Variants in PDCD11 observed in about 807,000 individuals in gnomAD.
PDCD11 encodes protein RRP5 homolog.
A neutral mutation model predicts 198.9 loss-of-function variants in PDCD11; 97 were observed. That is an observed-to-expected ratio of 0.49 (90% CI 0.41 to 0.58). PDCD11 has a LOEUF of 0.58. Among genes scored for constraint, PDCD11 ranks in the 20% least tolerant of loss-of-function variants. The probability of loss-of-function intolerance (pLI) is 0.00; values close to 1 mark genes in which losing one functional copy is unlikely to be tolerated. For missense variants in PDCD11, 2,102 were observed against 2,312.7 expected (o/e 0.91, Z 1.87); for synonymous variants, 893 against 918.0 (o/e 0.97, Z 0.49).
chr10:103,414,004 T>C lies in PDCD11; in HGVS notation c.1224T>C (p.Pro408=). The C allele has an allele frequency of 1.2e-6, 2 of 1,613,636 alleles. No individual in the cohort carries two copies. The highest frequency in any genetic ancestry group is 1.7e-6 in the Non-Finnish European group (2 of 1,179,788). The change falls in exon 10 of 36, where the codon CCT becomes CCC. Residue 408 remains proline (P), a synonymous_variant. Transcript: ENST00000369797. ...CTGATTCTAAGAACGTCTTCAATCC[T>C]GAGGCCTTCAAGCCAGGGAACACTC... ...HLSDSKNVFN[P]EAFKPGNTHK... is the part of the protein sequence containing the mutation.
At position 103,425,268 on chromosome 10, in the gene PDCD11, T is replaced by G. The variant is rs1489605235; in HGVS notation, c.3048T>G (p.Asp1016Glu). ...AGGACTCTGAGACAGTTGATGAGGA[T>G]GAAGAAGTGGATCCAGCTCTGACTG... is the stretch of plus-strand genomic sequence containing the variant. ...TQKDSETVDE[D>E]EEVDPALTVG... is the part of the protein sequence containing the mutation. Residue 1016 changes from aspartate (D) to glutamate (E), a missense_variant, in exon 20 of 36, where the codon GAT (aspartate) becomes GAG (glutamate). Physicochemically the swap from Asp to Glu is conservative, Grantham distance 45 (BLOSUM62 2). Transcript: ENST00000369797. The G allele has an allele frequency of 6.2e-7, 1 of 1,614,056 alleles. No individual in the cohort carries two copies.
rs964087668 is a variant in PDCD11, at chr10:103,421,973, CAAAAAAAAAAAA to C, written c.2497+414_2497+425del. On this transcript the variant is annotated intron_variant, in intron 17 of 35. Transcript: ENST00000369797. The stretch of plus-strand genomic sequence containing the variant: ...TGGGTGACAGAGTGAGACTCCGTCT[CAAAAAAAAAAAA>C]AAAAAAAGAAAAAAAAAATTGGGTT... Among the ~76,000 whole-genome samples, 111 of 26,186 alleles carry C rather than the reference CAAAAAAAAAAAA, an allele frequency of 4.2e-3. 2 individuals carry two copies. Among genetic ancestry groups the C allele is most frequent in the African/African-American group, 0.013 (95 of 7,504 alleles). 17.2% of individuals were successfully genotyped at this position (26,186 alleles called of 152,430 possible).
intron 21 of PDCD11, among the ~76,000 whole-genome samples, chr10:103,429,968 G>A (rs1243466628): frequency 1.3e-5 from 2 of 152,056 alleles, no homozygotes; most frequent in Admixed American, 1.3e-4. Flanking sequence ...TGCAGCATGT[G>A]TCAGAATGTC....
At chr10:103,437,690 G>C (rs764305302) in intron 25 of PDCD11, among the ~76,000 whole-genome samples, 1 of 151,990 alleles carries the variant, frequency 6.6e-6, no homozygotes, top group African/African-American at 2.4e-5. Context: ...GGGTTTCACC[G>C]TGTTAGCCAG....
chr10:103,444,735 C>T, intron 35 of PDCD11, 53 bp downstream of exon 35: 1 of 1,524,158 alleles, frequency 6.6e-7, no homozygotes, highest in Non-Finnish European at 9.1e-7. Flanking sequence ...GCGTGGTAGG[C>T]ACTGGTCCCA....
Position 103,434,800 on chromosome 10 carries a change from C to T in PDCD11, c.3670C>T (p.Pro1224Ser). 1 of 1,605,958 alleles carries T rather than the reference C, an allele frequency of 6.2e-7. No individual in the cohort carries two copies. Among genetic ancestry groups the T allele is most frequent in the Non-Finnish European group, 8.5e-7 (1 of 1,176,478 alleles). The change falls in exon 25 of 36, where the codon CCT becomes TCT. Residue 1224 changes from proline to serine, a missense_variant and splice_region_variant. By Grantham distance (74) the Pro-to-Ser change is moderately conservative. Transcript: ENST00000369797. ...AATCAGGTTGGTTCTTCCACCAGGT[C>T]CTCACAAGCTTGAGGAAGGGGAAGT... ...KTLLCLSLTGPHKLEEGEVAM... is the reference protein window; with the variant it reads ...KTLLCLSLTGSHKLEEGEVAM...
intron 33 of PDCD11, among the ~76,000 whole-genome samples, chr10:103,443,559 C>T (rs1016305145): frequency 1.3e-5 from 2 of 152,174 alleles, no homozygotes; most frequent in Non-Finnish European, 2.9e-5. Context: ...GGGCAGTGGA[C>T]CCCTGGTGTG....
chr10:103,429,103 G>A (rs1355375788), intron 21 of PDCD11, among the ~76,000 whole-genome samples: 2 of 152,164 alleles, frequency 1.3e-5, no homozygotes, highest in African/African-American at 4.8e-5. Flanking sequence ...CATTTCGTAT[G>A]GGGATCTCGT....
intron 4 of PDCD11, among the ~76,000 whole-genome samples, chr10:103,403,717 G>A (rs547404176): frequency 3.9e-5 from 6 of 152,302 alleles, no homozygotes; most frequent in African/African-American, 4.8e-5. Context: ...ACAGCATAAC[G>A]TGTAGATTGA....
chr10:103,421,310 CT>C lies in PDCD11; in HGVS notation c.2278-35del, dbSNP rs770585230. 112 of 1,516,924 alleles carry C rather than the reference CT, an allele frequency of 7.4e-5. 1 individual carries two copies. Among genetic ancestry groups the C allele is most frequent in the Admixed American group, 6.6e-4 (35 of 52,658 alleles). The allele number at this position is 1,516,924 out of a possible 1,614,324, so 94.0% of individuals were successfully genotyped here. A position where few individuals can be genotyped will look rare whatever the true frequency, so the allele number is the denominator to read the frequency against. On this transcript the variant is annotated intron_variant, in intron 16 of 35. Transcript: ENST00000369797. ...TCAAGTGGGTTGTCTTAATGAAGAC[CT>C]TTCCTCTTCTCATCTCCTGCCTGTT...
At position 103,440,440 on chromosome 10, in the gene PDCD11, G is replaced by A. The variant is rs2032332313; in HGVS notation, c.4299G>A (p.Lys1433=). ...EAEERDQKGE[K]KNQKRNEKKN... ...AGGAGAGAGACCAAAAAGGGGAAAA[G>A]AAAAATCAGAAAAGGAACGAGAAGA... The change falls in exon 29 of 36, where the codon AAG becomes AAA. Residue 1433 remains lysine, a synonymous_variant. Coordinates refer to ENST00000369797, the MANE Select transcript of PDCD11 (RefSeq NM_014976.2). 6.2e-7 allele frequency: 1 copy of A among 1,614,044 alleles called. No homozygotes were observed. The highest frequency in any genetic ancestry group is 8.5e-7 in the Non-Finnish European group (1 of 1,180,020).
intron 25 of PDCD11, among the ~76,000 whole-genome samples, chr10:103,437,112 C>G (rs1349627949): frequency 6.6e-6 from 1 of 152,206 alleles, no homozygotes; most frequent in Non-Finnish European, 1.5e-5. Context: ...CTGTATGCCT[C>G]TGTGAGACTT....
chr10:103,426,936 AAAAT>A (rs1174186363), intron 20 of PDCD11, among the ~76,000 whole-genome samples: 4 of 151,628 alleles, frequency 2.6e-5, no homozygotes, highest in African/African-American at 4.8e-5. Flanking sequence ...TACAAAAAAA[AAAAT>A]AAATAAATAA....
In PDCD11 at chr10:103,421,248, C is replaced by A. The variant is rs1382248788; in HGVS notation, c.2278-100C>A. On this transcript the variant is annotated intron_variant, in intron 16 of 35. Coordinates refer to ENST00000369797, the MANE Select transcript of PDCD11 (RefSeq NM_014976.2). ...AGGGCTTGGGGGAGCTTCCTAGGCC[C>A]CATTTCCCCCTACTCACGTACCCCT... 4.6e-6 allele frequency: 4 copies of A among 878,920 alleles called. No individual in the cohort carries two copies. In the African/African-American group the frequency reaches 6.6e-5, roughly 15 times the overall value. The allele number at this position is 878,920 out of a possible 1,614,324, so 54.4% of individuals were successfully genotyped here. A position where few individuals can be genotyped will look rare whatever the true frequency, so the allele number is the denominator to read the frequency against.
At chr10:103,440,004 T>G in intron 28 of PDCD11, 136 bp downstream of exon 28, 1 of 1,098,426 alleles carries the variant, frequency 9.1e-7, no homozygotes, top group Non-Finnish European at 1.3e-6. Flanking sequence ...AAAAGGCCTT[T>G]GTTTGGAACC....
intron 12 of PDCD11, 57 bp from the exon 13 acceptor site, chr10:103,416,434 G>T: frequency 6.3e-7 from 1 of 1,588,354 alleles, no homozygotes; most frequent in Non-Finnish European, 8.6e-7. Context: ...GCAGAGACCA[G>T]CTCAGTGGCT....
At chr10:103,405,288 T>C (rs1488057587) in intron 5 of PDCD11, 105 bp downstream of exon 5, 1 of 1,095,346 alleles carries the variant, frequency 9.1e-7, no homozygotes, top group South Asian at 1.5e-5. Context: ...TTGTGACACA[T>C]AGGAGTGGTT....
Position 103,413,252 on chromosome 10 carries a change from C to T in PDCD11, c.1115C>T (p.Pro372Leu), listed in dbSNP as rs2030911938. 2 of 1,614,162 alleles carry T rather than the reference C, an allele frequency of 1.2e-6. No individual in the cohort carries two copies. Among genetic ancestry groups the T allele is most frequent in the Non-Finnish European group, 1.7e-6 (2 of 1,180,008 alleles). The change falls in exon 9 of 36, where the codon CCT (proline) becomes CTT (leucine). Residue 372 changes from proline to leucine, a missense_variant. Pro to Leu is a moderately conservative substitution (Grantham distance 98). Coordinates refer to ENST00000369797, the MANE Select transcript of PDCD11 (RefSeq NM_014976.2). ...QNLGAVLDDV[P>L]VQGFFKKAGA... ...CTTGGAGCAGTGCTGGATGATGTTC[C>T]TGTCCAGGGTTTTTTCAAAAAGGCT...
chr10:103,403,626 A>G (rs1263766546), intron 4 of PDCD11, among the ~76,000 whole-genome samples: 1 of 152,224 alleles, frequency 6.6e-6, no homozygotes, highest in African/African-American at 2.4e-5. Context: ...GCCAGGGCAC[A>G]TGCAGCCTTG....
Sources: allele counts gnomAD v4.1 joint callset (sites outside exome capture counted in the v4.1 genomes callset), GRCh38; gene constraint gnomAD v4.1.1; transcripts MANE v1.5; gene names NCBI Gene and HGNC (gene_info 2026-07-23, HGNC 2026-07-21).